STK31: variants seen among roughly 807,000 people sequenced by gnomAD.
The protein encoded by STK31 is serine/threonine kinase 31.
Under a neutral mutation model 129.7 loss-of-function variants are expected in STK31, and 89 were observed. That is an observed-to-expected ratio of 0.69 (90% CI 0.58 to 0.82). The LOEUF (loss-of-function observed/expected upper bound fraction) is 0.82. Ranked by LOEUF, STK31 falls within the 40% of genes least tolerant of loss-of-function variation. STK31 has a pLI of 0.00. For synonymous variants in STK31, 448 were observed against 395.3 expected (o/e 1.13, Z -1.58); for missense variants, 1,187 against 1,176.4 (o/e 1.01, Z -0.13).
At chr7:23,754,130 G>A (rs1307785591) in intron 9 of STK31, among the ~76,000 whole-genome samples, 185 bp from the exon 10 acceptor site, 1 of 151,952 alleles carries the variant, frequency 6.6e-6, no homozygotes, top group East Asian at 1.9e-4. Context: ...ATGCATGTCT[G>A]CATAAAAATA....
intron 8 of STK31, among the ~76,000 whole-genome samples, chr7:23,749,292 A>G (rs1788539246): frequency 6.7e-6 from 1 of 149,754 alleles, no homozygotes; most frequent in Non-Finnish European, 1.5e-5. Flanking sequence ...TTCAAACTGT[A>G]GTTTTTGCCC....
intron 4 of STK31, among the ~76,000 whole-genome samples, chr7:23,719,706 G>A (rs1195961434): frequency 6.6e-6 from 1 of 152,040 alleles, no homozygotes; most frequent in African/African-American, 2.4e-5. Context: ...TTCCATGAAA[G>A]TATCTTTCAC....
chr7:23,729,102 G>A lies in STK31; in HGVS notation c.336G>A (p.Arg112=). The A allele has an allele frequency of 6.2e-7, 1 of 1,607,520 alleles. No homozygotes were observed. The highest frequency in any genetic ancestry group is 8.5e-7 in the Non-Finnish European group (1 of 1,178,264). ...KIISVEKCLV[R]YIDYGNTEIL... Reference sequence around the variant, plus strand: ...CTTATTTTTTCCAGTGTCTGGTGAGGTACATTGACTATGGAAATACTGAAA... The same window carrying A: ...CTTATTTTTTCCAGTGTCTGGTGAGATACATTGACTATGGAAATACTGAAA... The change falls in exon 6 of 24, where the codon AGG becomes AGA. Residue 112 remains arginine (R), a synonymous_variant. Coordinates refer to ENST00000355870, the MANE Select transcript of STK31 (RefSeq NM_031414.5).
chr7:23,713,876 AT>A, intron 3 of STK31, among the ~76,000 whole-genome samples: 1 of 152,122 alleles, frequency 6.6e-6, no homozygotes, highest in East Asian at 1.9e-4. Flanking sequence ...AAAAAAATAT[AT>A]ATATACACAC....
At chr7:23,797,563 T>G (rs554398878) in intron 22 of STK31, among the ~76,000 whole-genome samples, 1 of 152,188 alleles carries the variant, frequency 6.6e-6, no homozygotes, top group South Asian at 2.1e-4. Context: ...TTGAAACCAA[T>G]GAGAACAAAG....
rs60631283 is a variant in STK31 at position 23,808,970 on chromosome 7, T to TGTGTGTGTGTGTGTGTGTGTGCGCGC, written c.2761-6173_2761-6172insTGTGTGTGTGTGTGTGTGTGCGCGCG. Among the ~76,000 whole-genome samples the TGTGTGTGTGTGTGTGTGTGTGCGCGC allele has an allele frequency of 7.7e-3, 1,070 of 139,634 alleles. 11 individuals carry two copies. Among genetic ancestry groups the TGTGTGTGTGTGTGTGTGTGTGCGCGC allele is most frequent in the Non-Finnish European group, 0.011 (704 of 64,382 alleles). 91.6% of individuals were successfully genotyped at this position (139,634 alleles called of 152,430 possible). ...GTGTGTGTGTGTGTGTGTGTGTGTG[T>TGTGTGTGTGTGTGTGTGTGTGCGCGC]GCCTGTGTCTGTTGGCATTTCTGGG... On this transcript the variant is annotated intron_variant, in intron 22 of 23. Coordinates refer to ENST00000355870, the MANE Select transcript of STK31 (RefSeq NM_031414.5).
At chr7:23,752,514 A>G (rs2128092770) in intron 8 of STK31, among the ~76,000 whole-genome samples, 1 of 151,944 alleles carries the variant, frequency 6.6e-6, no homozygotes, top group Middle Eastern at 3.4e-3. Context: ...ACACCCATGT[A>G]TTTTTTCGTA....
intron 11 of STK31, among the ~76,000 whole-genome samples, chr7:23,767,089 ACTTGG>A (rs1268796150): frequency 3.3e-5 from 5 of 152,092 alleles, no homozygotes; most frequent in Admixed American, 3.3e-4. Context: ...ATTTATAAGT[ACTTGG>A]CTTTTGTGTT....
At chr7:23,819,980 A>G (rs1793705900) in intron 23 of STK31, among the ~76,000 whole-genome samples, 1 of 152,238 alleles carries the variant, frequency 6.6e-6, no homozygotes, top group Non-Finnish European at 1.5e-5. Context: ...ACCCTTCCAG[A>G]CAGAGAAGCT....
At chr7:23,744,274 A>C (rs1308693276) in intron 8 of STK31, among the ~76,000 whole-genome samples, 2 of 146,986 alleles carry the variant, frequency 1.4e-5, no homozygotes, top group African/African-American at 5.0e-5. Context: ...CATTCGGTGA[A>C]TCCTTTAGTT....
chr7:23,791,231 A>T (rs1791595117), intron 22 of STK31: 1 of 976,826 alleles, frequency 1.0e-6, no homozygotes, highest in Admixed American at 6.2e-5. Flanking sequence ...GTTCATGCAT[A>T]TATGGAAAAT....
chr7:23,823,971 A>G (rs1274483943), intron 23 of STK31, among the ~76,000 whole-genome samples: 1 of 152,176 alleles, frequency 6.6e-6, no homozygotes, highest in Admixed American at 6.5e-5. Flanking sequence ...CTGTTTTGGT[A>G]CCAGTATCAT....
At chr7:23,759,998 T>G (rs1319294358) in intron 10 of STK31, among the ~76,000 whole-genome samples, 1 of 152,220 alleles carries the variant, frequency 6.6e-6, no homozygotes, top group Non-Finnish European at 1.5e-5. Flanking sequence ...TTACTATTAA[T>G]TAGTGTCTGA....
Position 23,717,096 on chromosome 7 carries a change from G to GTTTTTTTTTT in STK31, c.151-385_151-384insTTTTTTTTTT, listed in dbSNP as rs1584317515. ...TTACAGGTGTGAGCCATCGCAACCT[G>GTTTTTTTTTT]CTTTTTTTTTTTTTTTTTTTTTTTT... is the stretch of plus-strand genomic sequence containing the variant. On this transcript the variant is annotated intron_variant, in intron 3 of 23. Transcript: ENST00000355870. Among the ~76,000 whole-genome samples the GTTTTTTTTTT allele has an allele frequency of 7.2e-5, 3 of 41,866 alleles. No homozygotes were observed. The Admixed American group carries it at 1.0e-3, about 14-fold the overall frequency. The allele number at this position is 41,866 out of a possible 152,430, so 27.5% of individuals were successfully genotyped here.
chr7:23,796,538 G>T (rs145266004), intron 22 of STK31, among the ~76,000 whole-genome samples: 1 of 151,950 alleles, frequency 6.6e-6, no homozygotes, highest in Non-Finnish European at 1.5e-5. Flanking sequence ...AGATTAACTT[G>T]TACAATGGAC....
chr7:23,716,078 G>A (rs967009884), intron 3 of STK31, among the ~76,000 whole-genome samples: 1 of 151,984 alleles, frequency 6.6e-6, no homozygotes, highest in Non-Finnish European at 1.5e-5. Flanking sequence ...GCAGTTTTTT[G>A]TCTTTTTGTG....
In STK31 at chr7:23,723,295, G is replaced by A. The variant is rs560007122; in HGVS notation, c.250-3946G>A. On this transcript the variant is annotated intron_variant, in intron 4 of 23. Coordinates refer to ENST00000355870, the MANE Select transcript of STK31 (RefSeq NM_031414.5). ...TCCTTTCTATATTAATGGAGAATGA[G>A]CATGCAGATAAGTGTCTCTATATGA... Among the ~76,000 whole-genome samples, 6 of 152,264 alleles carry A rather than the reference G, an allele frequency of 3.9e-5. No individual in the cohort carries two copies. In the South Asian group the frequency reaches 1.2e-3, roughly 32 times the overall value.
chr7:23,727,045 C>T (rs1209484171), intron 4 of STK31, among the ~76,000 whole-genome samples, 196 bp from the exon 5 acceptor site: 1 of 151,968 alleles, frequency 6.6e-6, no homozygotes, highest in Admixed American at 6.6e-5. Context: ...AATCTTGGTT[C>T]TGCAGTTTAC....
intron 21 of STK31, 136 bp from the exon 22 acceptor site, chr7:23,790,688 G>T: frequency 1.1e-6 from 1 of 890,168 alleles, no homozygotes; most frequent in Non-Finnish European, 1.6e-6. Context: ...AGCAGAAATT[G>T]GTAAAAATAT....
Sources: gnomAD v4.1 joint callset for allele counts (sites outside exome capture counted in the v4.1 genomes callset) on GRCh38, gnomAD v4.1.1 for gene constraint, MANE v1.5 for transcripts, NCBI Gene and HGNC (gene_info 2026-07-23, HGNC 2026-07-21) for gene names.